The following PKD1L3 variants were observed in gnomAD, a reference collection of about 807,000 sequenced individuals.
The protein encoded by PKD1L3 is polycystin-1-like protein 3.
PKD1L3 carries 239 observed loss-of-function variants against 184.1 expected under a neutral mutation model. The ratio of observed to expected loss-of-function variants is 1.30; its 90% CI spans 1.17 to 1.45. The LOEUF is 1.45. PKD1L3 is among the 40% of genes most tolerant of loss of function. PKD1L3 has a pLI of 0.00. For missense variants in PKD1L3, 2,660 were observed against 2,067.2 expected (o/e 1.29, Z -5.56); for synonymous variants, 996 against 778.8 (o/e 1.28, Z -4.64).
rs766317576 is a variant in PKD1L3, at chr16:71,963,190, A to T, written c.2612+15T>A. On this transcript the variant is annotated intron_variant, in intron 16 of 29. Transcript: ENST00000620267. ...ACATCAATATTCACTGTTAATAGTA[A>T]TTTTCCAACAGTACCTAAAGGAAAA... The T allele has an allele frequency of 2.5e-5, 39 of 1,536,486 alleles. No individual in the cohort carries two copies. The African/African-American group carries it at 5.4e-4, about 21-fold the overall frequency.
intron 21 of PKD1L3, among the ~76,000 whole-genome samples, chr16:71,948,159 G>A (rs1432212850): frequency 6.6e-6 from 1 of 152,066 alleles, no homozygotes; most frequent in Non-Finnish European, 1.5e-5. Flanking sequence ...TTGGCTCAGT[G>A]CAACCTCTGC....
intron 6 of PKD1L3, among the ~76,000 whole-genome samples, chr16:71,982,550 G>T (rs1216586160): frequency 6.6e-6 from 1 of 152,062 alleles, no homozygotes; most frequent in Non-Finnish European, 1.5e-5. Flanking sequence ...CTCCCAAAGT[G>T]CTGGGATTAC....
At chr16:71,985,559 G>A (rs1255027363) in intron 5 of PKD1L3, among the ~76,000 whole-genome samples, 1 of 150,918 alleles carries the variant, frequency 6.6e-6, no homozygotes, top group Non-Finnish European at 1.5e-5. Context: ...CCACCCCCAA[G>A]TAGCTGGGAC....
chr16:71,977,132 G>T, intron 11 of PKD1L3, 104 bp downstream of exon 11: 1 of 857,488 alleles, frequency 1.2e-6, no homozygotes. Flanking sequence ...AGGATCCCCT[G>T]AGCCTGACAG....
At chr16:71,988,719 T>C (rs748133502) in intron 4 of PKD1L3, among the ~76,000 whole-genome samples, 3 of 152,062 alleles carry the variant, frequency 2.0e-5, no homozygotes, top group Non-Finnish European at 2.9e-5. Context: ...TAACATAAGA[T>C]AAACGGGAGA....
At position 71,945,677 on chromosome 16, in the gene PKD1L3, C is replaced by CAAAA. The variant is rs2038576721; in HGVS notation, c.3719-1508_3719-1507insTTTT. On this transcript the variant is annotated intron_variant, in intron 22 of 29. Transcript: ENST00000620267. Reference sequence around the variant, plus strand: ...TGGGCGACAGAGCAAGACTCCATCTCATAAATAAATAAATAAAAATAAAAA... The same window carrying CAAAA: ...TGGGCGACAGAGCAAGACTCCATCTCAAAAATAAATAAATAAATAAAAATAAAAA... Among the ~76,000 whole-genome samples the CAAAA allele has an allele frequency of 5.9e-5, 9 of 151,660 alleles. No individual in the cohort carries two copies. The South Asian group carries it at 1.9e-3, about 32-fold the overall frequency.
At chr16:71,948,094 T>A (rs753943957) in intron 21 of PKD1L3, among the ~76,000 whole-genome samples, 5 of 152,064 alleles carry the variant, frequency 3.3e-5, no homozygotes, top group South Asian at 2.1e-4. Flanking sequence ...TATTATTATT[T>A]TTTTTGAGAC....
intron 22 of PKD1L3, among the ~76,000 whole-genome samples, chr16:71,946,971 G>A (rs144565044): frequency 2.7e-5 from 4 of 149,544 alleles, no homozygotes; most frequent in Non-Finnish European, 6.0e-5. Context: ...TAAAATGTAG[G>A]GGAGTCCGGG....
At chr16:71,976,617 T>C (rs1457553540) in intron 11 of PKD1L3, among the ~76,000 whole-genome samples, 1 of 152,134 alleles carries the variant, frequency 6.6e-6, no homozygotes, top group Non-Finnish European at 1.5e-5. Context: ...TGAAAATTTT[T>C]TTAAAAAAGA....
rs189222592 is a variant in PKD1L3, at chr16:71,944,761, T to A, written c.3719-591A>T. Among the ~76,000 whole-genome samples the A allele has an allele frequency of 6.5e-3, 939 of 144,912 alleles. 3 individuals are homozygous for A. The highest frequency in any genetic ancestry group is 0.011 in the Non-Finnish European group (712 of 67,014). On this transcript the variant is annotated intron_variant, in intron 22 of 29. Transcript: ENST00000620267. ...GTTGTCGAGGCTGGAGTGCAATGCATGATCTTGGCTCACTGCAGTCTCCAC... is the reference window on the plus strand; with the variant it reads ...GTTGTCGAGGCTGGAGTGCAATGCAAGATCTTGGCTCACTGCAGTCTCCAC...
intron 12 of PKD1L3, among the ~76,000 whole-genome samples, 170 bp from the exon 13 acceptor site, chr16:71,970,275 T>A (rs1240295954): frequency 6.6e-6 from 1 of 152,188 alleles, no homozygotes; most frequent in Non-Finnish European, 1.5e-5. Flanking sequence ...TTTAGCAACA[T>A]CTAGTACAGC....
rs750492839 is a variant in PKD1L3, at chr16:71,982,015, A to C, written c.1143+44T>G. The C allele has an allele frequency of 1.2e-5, 18 of 1,461,166 alleles. No homozygotes were observed. The African/African-American group carries it at 2.4e-4, about 20-fold the overall frequency. The allele number at this position is 1,461,166 out of a possible 1,614,324, so 90.5% of individuals were successfully genotyped here. On this transcript the variant is annotated intron_variant, in intron 7 of 29. Coordinates refer to ENST00000620267, the MANE Select transcript of PKD1L3 (RefSeq NM_181536.2). ...TGATACCTGGACCTGTCAAGATTAA[A>C]ATGCTTCTAAGCAGATCTGGCCACC...
chr16:71,997,820 A>G (rs1422433189), intron 2 of PKD1L3, among the ~76,000 whole-genome samples: 1 of 151,314 alleles, frequency 6.6e-6, no homozygotes, highest in Non-Finnish European at 1.5e-5. Context: ...ATGCATACGT[A>G]CATACATACA....
rs764826347 is a variant in PKD1L3 at position 71,986,364 on chromosome 16, C to A, written c.691G>T (p.Val231Leu). The change falls in exon 5 of 30, where the codon GTG becomes TTG. Residue 231 changes from valine (V) to leucine (L), a missense_variant. Val to Leu is a conservative substitution (Grantham distance 32, BLOSUM62 1). Transcript: ENST00000620267. Reference sequence around the variant, plus strand: ...ACGGGCATGGTGAGCTGTGTTATCACAGGGAGAGGCTGGCTGCTGGGTTCA... The same window carrying A: ...ACGGGCATGGTGAGCTGTGTTATCAAAGGGAGAGGCTGGCTGCTGGGTTCA... ...ASEPSSQPLP[V>L]ITQLTMPVSV... 1 of 1,551,436 alleles carries A rather than the reference C, an allele frequency of 6.4e-7. No homozygotes were observed. Among genetic ancestry groups the A allele is most frequent in the Non-Finnish European group, 8.7e-7 (1 of 1,146,562 alleles).
chr16:71,951,566 C>T lies in PKD1L3; in HGVS notation c.3188G>A (p.Arg1063His), dbSNP rs1235634618. The T allele has an allele frequency of 2.4e-5, 37 of 1,548,236 alleles. No individual in the cohort carries two copies. Among genetic ancestry groups the T allele is most frequent in the African/African-American group, 2.7e-5 (2 of 72,900 alleles). ...TACTGAAATCTACTGAAGTTTACCA[C>T]GTGCCCAGTGGCGCTCTCCCTGCTG... ...CHQQGERHWA[R>H]VVPENHHHFC... is the part of the protein sequence containing the mutation. Residue 1063 changes from arginine (R) to histidine (H), a missense_variant and splice_region_variant, in exon 19 of 30, where the codon CGT (arginine) becomes CAT (histidine). Physicochemically the swap from Arg to His is conservative, Grantham distance 29 (BLOSUM62 0). Transcript: ENST00000620267.
At chr16:71,943,116 T>G in intron 23 of PKD1L3, 92 bp from the exon 24 acceptor site, 1 of 1,057,136 alleles carries the variant, frequency 9.5e-7, no homozygotes, top group Non-Finnish European at 1.4e-6. Flanking sequence ...TATAGACTTA[T>G]GCAGGTCAAA....
intron 15 of PKD1L3, among the ~76,000 whole-genome samples, chr16:71,966,288 G>A (rs986807590): frequency 4.6e-5 from 7 of 151,952 alleles, no homozygotes; most frequent in African/African-American, 1.7e-4. Context: ...CTAATTCTGG[G>A]TGCTGCTCAA....
chr16:71,972,533 C>T (rs984001500), intron 12 of PKD1L3, among the ~76,000 whole-genome samples: 3 of 151,986 alleles, frequency 2.0e-5, no homozygotes, highest in Admixed American at 1.3e-4. Context: ...AAATCTAAAA[C>T]ATTAGCCAGG....
chr16:71,937,283 T>C lies in PKD1L3; in HGVS notation c.4452+9A>G, dbSNP rs749308428. On this transcript the variant is annotated intron_variant, in intron 25 of 29. Coordinates refer to ENST00000620267, the MANE Select transcript of PKD1L3 (RefSeq NM_181536.2). ...TTGCCCAGGCTGACATCTAACATTA[T>C]TGACTCACCTGTATGAAGGCATAGT... 28 of 1,548,596 alleles carry C rather than the reference T, an allele frequency of 1.8e-5. No individual in the cohort carries two copies. The highest frequency in any genetic ancestry group is 4.9e-5 in the East Asian group (2 of 40,888).
Sources: allele counts gnomAD v4.1 joint callset (sites outside exome capture counted in the v4.1 genomes callset), GRCh38; gene constraint gnomAD v4.1.1; transcripts MANE v1.5; gene names NCBI Gene and HGNC (gene_info 2026-07-23, HGNC 2026-07-21).